Variants in CHAF1B observed in about 807,000 individuals in gnomAD.
CHAF1B encodes the protein chromatin assembly factor 1 subunit B.
In CHAF1B, 10 loss-of-function variants were observed where a neutral mutation model predicts 60.7. The observed-to-expected ratio is 0.16, with a 90% CI of 0.10 to 0.28. CHAF1B has a LOEUF of 0.28. Ranked by LOEUF, CHAF1B falls within the 10% of genes least tolerant of loss-of-function variation. CHAF1B has a pLI of 1.00. For missense variants in CHAF1B, 558 were observed against 708.4 expected (o/e 0.79, Z 2.41); for synonymous variants, 261 against 266.1 (o/e 0.98, Z 0.19).
chr21:36,408,693 T>G (rs2086255267), intron 8 of CHAF1B, 68 bp from the exon 9 acceptor site: 2 of 1,121,228 alleles, frequency 1.8e-6, no homozygotes, highest in Admixed American at 3.5e-5. Flanking sequence ...GCTCTTGAGT[T>G]TCTGTTGGTG....
At chr21:36,395,154 G>A (rs890148507) in intron 5 of CHAF1B, among the ~76,000 whole-genome samples, 7 of 152,164 alleles carry the variant, frequency 4.6e-5, no homozygotes, top group African/African-American at 1.2e-4. Context: ...GGGTTCAAGC[G>A]ATTCTCCTGC....
intron 8 of CHAF1B, 55 bp downstream of exon 8, chr21:36,402,906 T>C (rs1395853340): frequency 1.8e-5 from 26 of 1,416,702 alleles, no homozygotes; most frequent in Non-Finnish European, 2.5e-5. Context: ...GGATGTCTGC[T>C]CCCGTTTTAC....
intron 3 of CHAF1B, among the ~76,000 whole-genome samples, chr21:36,388,694 T>C (rs71330676): frequency 0.092 from 14,011 of 152,176 alleles, 1,258 homozygotes; most frequent in East Asian, 0.42. Context: ...CTCAAACTCC[T>C]GAGCTCAGGC....
chr21:36,417,313 T>C lies in CHAF1B; in HGVS notation c.*947T>C, dbSNP rs1342772240. The C allele has an allele frequency of 6.6e-6, 1 of 150,714 alleles. No individual in the cohort carries two copies. The highest frequency in any genetic ancestry group is 2.4e-5 in the African/African-American group (1 of 40,986). 9.3% of individuals were successfully genotyped at this position (150,714 alleles called of 1,614,324 possible). Reference sequence around the variant, plus strand: ...ATATATATACACACACACACAAGTATGTGTGTATATATATATTTTTTTTCT... The same window carrying C: ...ATATATATACACACACACACAAGTACGTGTGTATATATATATTTTTTTTCT... On this transcript the variant is annotated 3_prime_UTR_variant, in exon 14 of 14. Transcript: ENST00000314103.
chr21:36,396,564 A>G (rs1282768626), intron 5 of CHAF1B, among the ~76,000 whole-genome samples: 1 of 151,128 alleles, frequency 6.6e-6, no homozygotes, highest in Non-Finnish European at 1.5e-5. Flanking sequence ...TAGGGCTGCT[A>G]AGTCTCTTGA....
At chr21:36,402,903 T>A in intron 8 of CHAF1B, 52 bp downstream of exon 8, 1 of 1,430,226 alleles carries the variant, frequency 7.0e-7, no homozygotes, top group Non-Finnish European at 9.8e-7. Context: ...TGGGGATGTC[T>A]GCTCCCGTTT....
At chr21:36,412,774 C>T in intron 11 of CHAF1B, 110 bp from the exon 12 acceptor site, 1 of 978,204 alleles carries the variant, frequency 1.0e-6, no homozygotes, top group Non-Finnish European at 1.5e-6. Context: ...GTATCTTTTC[C>T]CTGGTTTTTG....
intron 8 of CHAF1B, among the ~76,000 whole-genome samples, chr21:36,403,472 A>G (rs1224571132): frequency 6.6e-6 from 1 of 151,334 alleles, no homozygotes; most frequent in Non-Finnish European, 1.5e-5. Context: ...AAAAAAAAAA[A>G]AAAAAAAAGA....
rs541514900 is a variant in CHAF1B, at chr21:36,418,774, G to T, written c.*2408G>T. On this transcript the variant is annotated 3_prime_UTR_variant, in exon 14 of 14. Coordinates refer to ENST00000314103, the MANE Select transcript of CHAF1B (RefSeq NM_005441.3). ...TGAGGCACAAGAATCGCTTGAACCC[G>T]GGAGGCGGAGTTTGTAGTGAGCTGA... 6.6e-6 allele frequency: 1 copy of T among 151,830 alleles called. No individual in the cohort carries two copies. The highest frequency in any genetic ancestry group is 2.4e-5 in the African/African-American group (1 of 41,344). 9.4% of individuals were successfully genotyped at this position (151,830 alleles called of 1,614,324 possible). A position where few individuals can be genotyped will look rare whatever the true frequency, so the allele number is the denominator to read the frequency against.
chr21:36,414,809 T>TTGCATTTTTA (rs2086305048), intron 12 of CHAF1B, among the ~76,000 whole-genome samples: 1 of 152,126 alleles, frequency 6.6e-6, no homozygotes, highest in Non-Finnish European at 1.5e-5. Context: ...GACGAGGTTT[T>TTGCATTTTTA]GCCATGTTGG....
At position 36,411,490 on chromosome 21, in the gene CHAF1B, G is replaced by T; in HGVS notation, c.947G>T (p.Arg316Leu). The change falls in exon 11 of 14, where the codon CGC becomes CTC. Residue 316 changes from arginine to leucine, a missense_variant. Coordinates refer to ENST00000314103, the MANE Select transcript of CHAF1B (RefSeq NM_005441.3). ...GTGGAGCTGATGAGTCTGCCCTACC[G>T]CCTGGTGTTTGCTGTGGCCTCGGAG... is the stretch of plus-strand genomic sequence containing the variant. ...TGVELMSLPY[R>L]LVFAVASEDS... The T allele has an allele frequency of 6.2e-7, 1 of 1,613,968 alleles. No homozygotes were observed. The highest frequency in any genetic ancestry group is 8.5e-7 in the Non-Finnish European group (1 of 1,179,980).
intron 4 of CHAF1B, 71 bp downstream of exon 4, chr21:36,391,739 CT>C (rs928219348): frequency 1.9e-4 from 180 of 955,658 alleles, no homozygotes; most frequent in Non-Finnish European, 2.2e-4. Context: ...TACCTTTTGA[CT>C]TTTTTTTTCT....
chr21:36,391,523 G>T, intron 3 of CHAF1B, 28 bp from the exon 4 acceptor site: 1 of 1,336,150 alleles, frequency 7.5e-7, no homozygotes, highest in South Asian at 1.2e-5. Context: ...GGTGAAGCGT[G>T]GATCACTGTT....
intron 6 of CHAF1B, 177 bp downstream of exon 6, chr21:36,397,688 G>T: frequency 1.3e-5 from 4 of 315,890 alleles, no homozygotes; most frequent in Admixed American, 4.9e-5. Flanking sequence ...ATTAGGACAA[G>T]TGCCTTACAC....
intron 7 of CHAF1B, 121 bp from the exon 8 acceptor site, chr21:36,402,637 T>C: frequency 1.4e-6 from 1 of 711,268 alleles, no homozygotes; most frequent in East Asian, 2.5e-5. Flanking sequence ...AAGAAAACCA[T>C]AGGCACATAT....
At chr21:36,398,461 G>A (rs2086161041) in intron 6 of CHAF1B, among the ~76,000 whole-genome samples, 1 of 152,144 alleles carries the variant, frequency 6.6e-6, no homozygotes. Context: ...CTAGGTTCAA[G>A]CGATTCTCCT....
intron 12 of CHAF1B, among the ~76,000 whole-genome samples, chr21:36,413,854 T>C (rs557387006): frequency 5.3e-5 from 8 of 152,328 alleles, no homozygotes; most frequent in African/African-American, 1.9e-4. Context: ...GTTCCCCTGC[T>C]GGTTGTGAGC....
Position 36,415,420 on chromosome 21 carries a change from T to A in CHAF1B, c.1588+31T>A, listed in dbSNP as rs748397459. 2.6e-5 allele frequency: 34 copies of A among 1,327,468 alleles called. No homozygotes were observed. The African/African-American group carries it at 2.8e-4, about 11-fold the overall frequency. 82.2% of individuals were successfully genotyped at this position (1,327,468 alleles called of 1,614,324 possible). A position where few individuals can be genotyped will look rare whatever the true frequency, so the allele number is the denominator to read the frequency against. On this transcript the variant is annotated intron_variant, in intron 13 of 13. Coordinates refer to ENST00000314103, the MANE Select transcript of CHAF1B (RefSeq NM_005441.3). ...TAATATTGTTACTGGTTTAATATAA[T>A]GAAAGGTAGAGTATCTTTTCTTTTG...
intron 5 of CHAF1B, 29 bp downstream of exon 5, chr21:36,394,679 G>A: frequency 7.0e-7 from 1 of 1,426,372 alleles, no homozygotes; most frequent in Non-Finnish European, 9.8e-7. Flanking sequence ...TTATTAGCAG[G>A]AAGAAATATT....
Sources: allele counts gnomAD v4.1 joint callset (sites outside exome capture counted in the v4.1 genomes callset), GRCh38; gene constraint gnomAD v4.1.1; transcripts MANE v1.5; gene names NCBI Gene and HGNC (gene_info 2026-07-23, HGNC 2026-07-21).